The following CENPF variants were observed in gnomAD, a reference collection of about 807,000 sequenced individuals.
CENPF encodes centromere protein F.
In CENPF, 214 loss-of-function variants were observed where a neutral mutation model predicts 307.3. The observed-to-expected ratio is 0.70, with a 90% CI of 0.62 to 0.78. The LOEUF (loss-of-function observed/expected upper bound fraction) is 0.78. CENPF is among the 30% of genes least tolerant of loss of function. The pLI is 0.00. For synonymous variants in CENPF, 1,259 were observed against 1,270.6 expected, an observed-to-expected ratio of 0.99 and a Z score of 0.19; for missense variants, 3,401 against 3,483.9, an observed-to-expected ratio of 0.98 and a Z score of 0.60.
In CENPF at chr1:214,641,502, G is replaced by C. The variant is rs1489870739; in HGVS notation, c.3164G>C (p.Cys1055Ser). The C allele has an allele frequency of 4.6e-6, 7 of 1,520,646 alleles. No homozygotes were observed. In the East Asian group the frequency reaches 1.6e-4, roughly 35 times the overall value. The allele number at this position is 1,520,646 out of a possible 1,614,324, so 94.2% of individuals were successfully genotyped here. The change falls in exon 12 of 20, where the codon TGC becomes TCC. Residue 1055 changes from cysteine (C) to serine (S), a missense_variant. Cys to Ser is a moderately radical substitution (Grantham distance 112, BLOSUM62 -1). Coordinates refer to ENST00000366955, the MANE Select transcript of CENPF (RefSeq NM_016343.4). The stretch of plus-strand genomic sequence containing the variant: ...CAGGAAAAGAATTCTAAATTAGAAT[G>C]CTTGCTAAATGAATGCACTAGTCTT... ...AAQEKNSKLE[C>S]LLNECTSLCE...
chr1:214,657,297 A>C lies in CENPF; in HGVS notation c.8850A>C (p.Pro2950=). The change falls in exon 18 of 20, where the codon CCA becomes CCC. Residue 2950 remains proline (P), a synonymous_variant. Transcript: ENST00000366955. ...GTAGAGGACCAACACCTGCTACCCC[A>C]GAGAGCTTTTCTAAAAAAAGCAAGA... ...ENGRGPTPAT[P]ESFSKKSKKA... is the part of the protein sequence containing the mutation. The C allele has an allele frequency of 6.2e-7, 1 of 1,614,134 alleles. No individual in the cohort carries two copies. Among genetic ancestry groups the C allele is most frequent in the South Asian group, 1.1e-5 (1 of 91,080 alleles).
intron 13 of CENPF, chr1:214,647,906 G>T: frequency 2.3e-6 from 1 of 435,380 alleles, no homozygotes. Flanking sequence ...GTGTGTTTTG[G>T]GGATTTCGTG....
At chr1:214,629,542 C>T (rs1272690831) in intron 8 of CENPF, among the ~76,000 whole-genome samples, 1 of 151,668 alleles carries the variant, frequency 6.6e-6, no homozygotes, top group South Asian at 2.1e-4. Flanking sequence ...CACTCTATTT[C>T]CTTTATAACT....
At chr1:214,628,867 TC>T (rs1392235554) in intron 7 of CENPF, among the ~76,000 whole-genome samples, 178 bp from the exon 8 acceptor site, 1 of 152,242 alleles carries the variant, frequency 6.6e-6, no homozygotes, top group Non-Finnish European at 1.5e-5. Flanking sequence ...ATCTTTTTTT[TC>T]ATGGCACAAA....
chr1:214,658,080 A>C (rs1257935789), intron 18 of CENPF, among the ~76,000 whole-genome samples: 1 of 152,202 alleles, frequency 6.6e-6, no homozygotes, highest in African/African-American at 2.4e-5. Flanking sequence ...AAATATCAAA[A>C]CTGATGCTTT....
At chr1:214,612,786 A>G (rs900954159) in intron 1 of CENPF, among the ~76,000 whole-genome samples, 2 of 152,230 alleles carry the variant, frequency 1.3e-5, no homozygotes, top group African/African-American at 4.8e-5. Context: ...ATGGACAAAA[A>G]ATTAGTATAA....
intron 9 of CENPF, among the ~76,000 whole-genome samples, chr1:214,631,301 T>C (rs779632545): frequency 5.3e-5 from 8 of 152,192 alleles, no homozygotes; most frequent in Non-Finnish European, 1.0e-4. Context: ...CTCTTACACT[T>C]GAATCTGCTG....
chr1:214,650,019 A>C (rs1035183414), intron 14 of CENPF, among the ~76,000 whole-genome samples: 3 of 152,260 alleles, frequency 2.0e-5, no homozygotes, highest in Admixed American at 6.5e-5. Context: ...AACATGTAAC[A>C]AATAAGCGGA....
chr1:214,642,596 A>G lies in CENPF; in HGVS notation c.4258A>G (p.Ile1420Val). ...KFLSLQSEHKILHDQHCQMSS... is the reference protein window; with the variant it reads ...KFLSLQSEHKVLHDQHCQMSS... Reference sequence around the variant, plus strand: ...CTTATCTTTACAAAGTGAACACAAAATTTTACATGATCAGCACTGTCAGAT... The same window carrying G: ...CTTATCTTTACAAAGTGAACACAAAGTTTTACATGATCAGCACTGTCAGAT... The change falls in exon 12 of 20, where the codon ATT (isoleucine) becomes GTT (valine). Residue 1420 changes from isoleucine (I) to valine (V), a missense_variant. By Grantham distance (29) the Ile-to-Val change is conservative. Coordinates refer to ENST00000366955, the MANE Select transcript of CENPF (RefSeq NM_016343.4). 1.9e-6 allele frequency: 3 copies of G among 1,608,936 alleles called. No individual in the cohort carries two copies. The highest frequency in any genetic ancestry group is 2.5e-6 in the Non-Finnish European group (3 of 1,177,476).
chr1:214,638,352 GCT>G (rs1349233145), intron 11 of CENPF, among the ~76,000 whole-genome samples: 27 of 152,120 alleles, frequency 1.8e-4, no homozygotes, highest in African/African-American at 5.6e-4. Context: ...CATCCAGACA[GCT>G]CATCTCCTGA....
chr1:214,632,151 C>G (rs1657825738), intron 9 of CENPF, among the ~76,000 whole-genome samples: 1 of 152,088 alleles, frequency 6.6e-6, no homozygotes, highest in African/African-American at 2.4e-5. Context: ...AAAATGTGTT[C>G]TCTTAGCCTG....
Position 214,658,910 on chromosome 1 carries a change from C to T in CENPF, c.9023C>T (p.Ala3008Val). 6.2e-7 allele frequency: 1 copy of T among 1,614,126 alleles called. No homozygotes were observed. The highest frequency in any genetic ancestry group is 8.5e-7 in the Non-Finnish European group (1 of 1,180,002). The change falls in exon 19 of 20, where the codon GCA (alanine) becomes GTA (valine). Residue 3008 changes from alanine (A) to valine (V), a missense_variant. By Grantham distance (64) the Ala-to-Val change is moderately conservative (BLOSUM62 0). Coordinates refer to ENST00000366955, the MANE Select transcript of CENPF (RefSeq NM_016343.4). ...TATATCCTGCGAAGAACAACCATGG[C>T]AACTCGGACCAGCCCCCGCCTGGCT... ...SPYILRRTTM[A>V]TRTSPRLAAQ... is the part of the protein sequence containing the mutation.
At chr1:214,621,060 G>C (rs1239600451) in intron 6 of CENPF, 114 bp downstream of exon 6, 1 of 905,472 alleles carries the variant, frequency 1.1e-6, no homozygotes, top group Non-Finnish European at 1.7e-6. Context: ...GCACATCGGT[G>C]TTCAACATCC....
chr1:214,628,571 G>T (rs192633693), intron 7 of CENPF, among the ~76,000 whole-genome samples: 38 of 152,286 alleles, frequency 2.5e-4, no homozygotes, highest in African/African-American at 8.9e-4. Context: ...AGTCTCCCCA[G>T]TAACTGGGAT....
At chr1:214,621,027 A>G (rs558829228) in intron 6 of CENPF, 81 bp downstream of exon 6, 6 of 1,368,800 alleles carry the variant, frequency 4.4e-6, no homozygotes, top group Non-Finnish European at 6.0e-6. Flanking sequence ...TTAATCCCAT[A>G]AAGTGCTTAT....
At chr1:214,611,452 G>T (rs920068696) in intron 1 of CENPF, among the ~76,000 whole-genome samples, 1 of 151,882 alleles carries the variant, frequency 6.6e-6, no homozygotes, top group Admixed American at 6.6e-5. Flanking sequence ...TGCAACCTCT[G>T]CCTCCCAAGT....
In CENPF at chr1:214,645,059, A is replaced by G. The variant is rs201216907; in HGVS notation, c.5489A>G (p.Lys1830Arg). ...ATTGAAGCATGCATAGAATTGGAAA[A>G]AATAGTTGGGGAACTTAAGAAAGAA... ...TKIEACIELE[K>R]IVGELKKENS... is the part of the protein sequence containing the mutation. Residue 1830 changes from lysine (K) to arginine (R), a missense_variant, in exon 13 of 20, where the codon AAA (lysine) becomes AGA (arginine). Coordinates refer to ENST00000366955, the MANE Select transcript of CENPF (RefSeq NM_016343.4). The G allele has an allele frequency of 1.9e-6, 3 of 1,613,646 alleles. No homozygotes were observed. The highest frequency in any genetic ancestry group is 1.3e-5 in the African/African-American group (1 of 74,890).
intron 11 of CENPF, among the ~76,000 whole-genome samples, chr1:214,638,941 G>A (rs933874005): frequency 3.3e-5 from 5 of 152,258 alleles, no homozygotes; most frequent in Non-Finnish European, 7.3e-5. Flanking sequence ...ATTTTTCAGT[G>A]TTGATCACCC....
chr1:214,605,485 A>T, intron 1 of CENPF: 1 of 509,056 alleles, frequency 2.0e-6, no homozygotes, highest in South Asian at 3.2e-5. Context: ...TTCTGTTTTC[A>T]CGTATTTTCT....
Sources: allele counts gnomAD v4.1 joint callset (sites outside exome capture counted in the v4.1 genomes callset), GRCh38; gene constraint gnomAD v4.1.1; transcripts MANE v1.5; gene names NCBI Gene and HGNC (gene_info 2026-07-23, HGNC 2026-07-21).